Variants in MAD1L1 observed in about 807,000 individuals in gnomAD.
MAD1L1 encodes the protein mitotic arrest deficient 1 like 1.
MAD1L1 carries 95 observed loss-of-function variants against 96.9 expected under a neutral mutation model. The ratio of observed to expected loss-of-function variants is 0.98; its 90% confidence interval spans 0.83 to 1.16. MAD1L1 has a LOEUF of 1.16. MAD1L1 is among the 50% of genes most tolerant of loss of function. MAD1L1 has a pLI of 0.00. For missense variants in MAD1L1, 1,007 were observed against 954.4 expected (o/e 1.06, Z -0.73); for synonymous variants, 473 against 396.6 (o/e 1.19, Z -2.29).
chr7:2,126,267 T>C lies in MAD1L1; in HGVS notation c.1073+22885A>G, dbSNP rs1404307066. Reference sequence around the variant, plus strand: ...CCATGGACGGGGGACGCCCACAGAGTGCAACCCTCGGAGGGCCCCAGGTTG... The same window carrying C: ...CCATGGACGGGGGACGCCCACAGAGCGCAACCCTCGGAGGGCCCCAGGTTG... On this transcript the variant is annotated intron_variant, in intron 11 of 18. Coordinates refer to ENST00000265854, the MANE Select transcript of MAD1L1 (RefSeq NM_001013836.2). 2.6e-5 allele frequency among the ~76,000 whole-genome samples: 4 copies of C among 151,842 alleles called. No individual in the cohort carries two copies. In the East Asian group the frequency reaches 7.8e-4, roughly 29 times the overall value.
chr7:2,078,729 C>A (rs970491955), intron 11 of MAD1L1, among the ~76,000 whole-genome samples: 2 of 152,224 alleles, frequency 1.3e-5, no homozygotes, highest in Admixed American at 1.3e-4. Flanking sequence ...GCAGCGCCAC[C>A]CCCACCCCAC....
intron 16 of MAD1L1, among the ~76,000 whole-genome samples, chr7:1,938,361 G>C (rs1778720775): frequency 1.3e-5 from 2 of 152,162 alleles, no homozygotes; most frequent in Admixed American, 1.3e-4. Flanking sequence ...TCTGTCTCCT[G>C]GGAGTAGACA....
chr7:2,065,326 G>A (rs1046668910), intron 12 of MAD1L1, among the ~76,000 whole-genome samples: 20 of 152,206 alleles, frequency 1.3e-4, no homozygotes, highest in Non-Finnish European at 1.9e-4. Flanking sequence ...ACTGAGGGTG[G>A]CAGCCGTGTC....
chr7:2,001,314 T>A (rs1164629179), intron 14 of MAD1L1, among the ~76,000 whole-genome samples: 1 of 152,286 alleles, frequency 6.6e-6, no homozygotes, highest in Admixed American at 6.5e-5. Flanking sequence ...AGGGCCGTCC[T>A]TGTCCTTCAC....
At chr7:1,842,825 CAT>C (rs1218209161) in intron 18 of MAD1L1, among the ~76,000 whole-genome samples, 2 of 152,270 alleles carry the variant, frequency 1.3e-5, no homozygotes, top group African/African-American at 2.4e-5. Flanking sequence ...CTGCGTCCCA[CAT>C]GTCAGCCCCT....
At chr7:2,006,372 T>TC (rs1317861306) in intron 13 of MAD1L1, among the ~76,000 whole-genome samples, 1 of 152,138 alleles carries the variant, frequency 6.6e-6, no homozygotes, top group African/African-American at 2.4e-5. Context: ...TCAGCCACAA[T>TC]GCGTGCCTGT....
At position 1,902,973 on chromosome 7, in the gene MAD1L1, A is replaced by C. The variant is rs188715686; in HGVS notation, c.1808-4583T>G. Among the ~76,000 whole-genome samples the C allele has an allele frequency of 4.0e-5, 6 of 150,646 alleles. No homozygotes were observed. In the East Asian group the frequency reaches 1.2e-3, roughly 30 times the overall value. ...CACTGTTCCAGGCAAGCGAGGACCC[A>C]GTGGCCTACAGAAGACGCTCTTGCG... On this transcript the variant is annotated intron_variant, in intron 17 of 18. Coordinates refer to ENST00000265854, the MANE Select transcript of MAD1L1 (RefSeq NM_001013836.2).
intron 16 of MAD1L1, among the ~76,000 whole-genome samples, chr7:1,954,015 T>G (rs1159343057): frequency 6.6e-6 from 1 of 151,932 alleles, no homozygotes; most frequent in Non-Finnish European, 1.5e-5. Context: ...GAGCCCCGAC[T>G]AGCCTCACTG....
chr7:1,955,683 G>C (rs546728793), intron 16 of MAD1L1, among the ~76,000 whole-genome samples: 24 of 152,154 alleles, frequency 1.6e-4, no homozygotes, highest in African/African-American at 5.8e-4. Context: ...CCCCTAGTGC[G>C]CAGGCCCCTC....
chr7:2,081,024 G>A (rs545015645), intron 11 of MAD1L1, among the ~76,000 whole-genome samples: 12 of 152,290 alleles, frequency 7.9e-5, no homozygotes, highest in South Asian at 2.1e-4. Context: ...CTGGTTCCCC[G>A]TTCCTGAAGG....
intron 6 of MAD1L1, among the ~76,000 whole-genome samples, chr7:2,218,507 A>AC (rs1793415703): frequency 6.6e-6 from 1 of 152,062 alleles, no homozygotes; most frequent in African/African-American, 2.4e-5. Context: ...TCCTGACTGC[A>AC]CCTCCAGACA....
intron 17 of MAD1L1, among the ~76,000 whole-genome samples, chr7:1,924,958 A>ATAGATATAATAAAGACAT (rs1789010220): frequency 6.6e-6 from 1 of 152,208 alleles, no homozygotes; most frequent in African/African-American, 2.4e-5. Flanking sequence ...AAGTATACAA[A>ATAGATATAATAAAGACAT]TAGATATAAT....
intron 12 of MAD1L1, among the ~76,000 whole-genome samples, chr7:2,064,155 G>A (rs976359246): frequency 2.6e-5 from 4 of 152,188 alleles, no homozygotes; most frequent in Non-Finnish European, 4.4e-5. Flanking sequence ...ACCCCCTGGC[G>A]AGGGAGCACA....
At chr7:2,225,647 T>G in intron 3 of MAD1L1, 97 bp from the exon 4 acceptor site, 4 of 1,301,984 alleles carry the variant, frequency 3.1e-6, no homozygotes, top group Non-Finnish European at 4.3e-6. Flanking sequence ...TGAGGACCCA[T>G]TCCCGCAGGT....
intron 10 of MAD1L1, among the ~76,000 whole-genome samples, chr7:2,167,931 C>T (rs1790517248): frequency 6.6e-6 from 1 of 152,000 alleles, no homozygotes; most frequent in Non-Finnish European, 1.5e-5. Flanking sequence ...CACTCCCCAC[C>T]GCACCTATCT....
At chr7:2,115,855 G>A (rs1391640692) in intron 11 of MAD1L1, among the ~76,000 whole-genome samples, 1 of 152,238 alleles carries the variant, frequency 6.6e-6, no homozygotes, top group Non-Finnish European at 1.5e-5. Context: ...GGCCCTGCGG[G>A]AAGAAGCTCT....
intron 15 of MAD1L1, among the ~76,000 whole-genome samples, chr7:1,973,226 T>C (rs188089027): frequency 1.3e-5 from 2 of 152,282 alleles, no homozygotes; most frequent in East Asian, 1.9e-4. Flanking sequence ...CAACTGTAAA[T>C]GTAGATCTGC....
chr7:1,828,133 T>C (rs1375587294), intron 18 of MAD1L1, among the ~76,000 whole-genome samples: 1 of 151,794 alleles, frequency 6.6e-6, no homozygotes, highest in Non-Finnish European at 1.5e-5. Flanking sequence ...TTTTCCCACC[T>C]CAGAGGGCGG....
intron 10 of MAD1L1, among the ~76,000 whole-genome samples, chr7:2,206,651 C>T (rs1792611262): frequency 6.6e-6 from 1 of 152,252 alleles, no homozygotes; most frequent in African/African-American, 2.4e-5. Flanking sequence ...CATGTCTATA[C>T]TTAATACCAC....
Sources: gnomAD v4.1 joint callset for allele counts (sites outside exome capture counted in the v4.1 genomes callset) on GRCh38, gnomAD v4.1.1 for gene constraint, MANE v1.5 for transcripts, NCBI Gene and HGNC (gene_info 2026-07-23, HGNC 2026-07-21) for gene names.